SUPT4H1: variants seen among roughly 807,000 people sequenced by gnomAD.
SUPT4H1 encodes the protein transcription elongation factor SPT4.
In SUPT4H1, 12 loss-of-function variants were observed where a neutral mutation model predicts 19.4. That is an observed-to-expected ratio of 0.62 (90% confidence interval 0.40 to 1.00). The LOEUF is 1.00. Among genes scored for constraint, SUPT4H1 ranks in the 50% least tolerant of loss-of-function variants. The pLI, the probability that SUPT4H1 is intolerant of heterozygous loss-of-function variation, is 0.00. For synonymous variants in SUPT4H1, 58 were observed against 56.3 expected, an observed-to-expected ratio of 1.03 and a Z score of -0.14; for missense variants, 115 against 149.2, an observed-to-expected ratio of 0.77 and a Z score of 1.19.
At chr17:58,349,259 T>C (rs535193261) in intron 2 of SUPT4H1, among the ~76,000 whole-genome samples, 1 of 152,390 alleles carries the variant, frequency 6.6e-6, no homozygotes, top group African/African-American at 2.4e-5. Context: ...ATTTATGATT[T>C]TGCAAAAGTG....
intron 3 of SUPT4H1, 120 bp from the exon 4 acceptor site, chr17:58,347,361 C>G (rs1471813403): frequency 2.9e-6 from 4 of 1,361,978 alleles, no homozygotes; most frequent in Non-Finnish European, 3.1e-6. Flanking sequence ...CCTCTTTTGG[C>G]TACAAGTGTT....
At position 58,345,387 on chromosome 17, in the gene SUPT4H1, AAAC is replaced by A. The variant is rs1160376514; in HGVS notation, c.*856_*858del. ...ATTTGTGGTAAATTTTTTTATCCTA[AAAC>A]AACTCACCTTGGCCGAAAAATGGGA... On this transcript the variant is annotated 3_prime_UTR_variant, in exon 5 of 5. Coordinates refer to ENST00000225504, the MANE Select transcript of SUPT4H1 (RefSeq NM_003168.3). The A allele has an allele frequency of 3.3e-5, 5 of 152,168 alleles. No homozygotes were observed. In the East Asian group the frequency reaches 9.7e-4, roughly 29 times the overall value. The allele number at this position is 152,168 out of a possible 1,614,324, so 9.4% of individuals were successfully genotyped here. A position where few individuals can be genotyped will look rare whatever the true frequency, so the allele number is the denominator to read the frequency against.
At chr17:58,351,280 A>T (rs1972507841) in intron 2 of SUPT4H1, 122 bp downstream of exon 2, 1 of 603,506 alleles carries the variant, frequency 1.7e-6, no homozygotes, top group South Asian at 2.3e-5. Context: ...AAAAACCCAC[A>T]CAAAATAACC....
At position 58,347,261 on chromosome 17, in the gene SUPT4H1, A is replaced by C; in HGVS notation, c.233-20T>G. The C allele has an allele frequency of 6.2e-7, 1 of 1,613,970 alleles. No individual in the cohort carries two copies. Among genetic ancestry groups the C allele is most frequent in the Non-Finnish European group, 8.5e-7 (1 of 1,179,846 alleles). On this transcript the variant is annotated intron_variant, in intron 3 of 4. Transcript: ENST00000225504. ...AGTTACCTGAGAGAGAAGAAAAAAG[A>C]TACAAGATTACAGTGAAGTTAGTTA...
chr17:58,347,777 G>A (rs931728331), intron 2 of SUPT4H1, among the ~76,000 whole-genome samples, 193 bp from the exon 3 acceptor site: 1 of 152,144 alleles, frequency 6.6e-6, no homozygotes, highest in Non-Finnish European at 1.5e-5. Context: ...GTCCTTGGCC[G>A]GCCAGCCACA....
chr17:58,351,304 G>A, intron 2 of SUPT4H1, 98 bp downstream of exon 2: 2 of 705,810 alleles, frequency 2.8e-6, no homozygotes, highest in South Asian at 2.2e-5. Context: ...AAAAACGAAT[G>A]GCTGGGCCCA....
At chr17:58,350,008 C>A (rs1416871005) in intron 2 of SUPT4H1, among the ~76,000 whole-genome samples, 1 of 152,240 alleles carries the variant, frequency 6.6e-6, no homozygotes, top group African/African-American at 2.4e-5. Context: ...GGCGACCGGG[C>A]ACAGTGGCTC....
rs1181170758 is a variant in SUPT4H1, at chr17:58,348,659, T to C, written c.177-1075A>G. 2.0e-5 allele frequency among the ~76,000 whole-genome samples: 3 copies of C among 152,322 alleles called. No homozygotes were observed. The East Asian group carries it at 5.8e-4, about 29-fold the overall frequency. The stretch of plus-strand genomic sequence containing the variant: ...TTCCCACTGTTCTCCAAAAACATCC[T>C]GGTTTTTCCCATCCTAAGCCTTTGC... On this transcript the variant is annotated intron_variant, in intron 2 of 4. Coordinates refer to ENST00000225504, the MANE Select transcript of SUPT4H1 (RefSeq NM_003168.3).
chr17:58,351,328 C>T, intron 2 of SUPT4H1, 74 bp downstream of exon 2: 1 of 978,730 alleles, frequency 1.0e-6, no homozygotes. Flanking sequence ...AGGATTAACA[C>T]TTGCCCTGCA....
At chr17:58,349,493 T>C (rs557071751) in intron 2 of SUPT4H1, among the ~76,000 whole-genome samples, 3 of 152,366 alleles carry the variant, frequency 2.0e-5, no homozygotes, top group Admixed American at 6.5e-5. Context: ...TTTCAACTTA[T>C]GATGGGCTTA....
rs773813739 is a variant in SUPT4H1 at position 58,352,169 on chromosome 17, C to T, written c.-34G>A. 3 of 1,606,792 alleles carry T rather than the reference C, an allele frequency of 1.9e-6. No individual in the cohort carries two copies. Among genetic ancestry groups the T allele is most frequent in the Non-Finnish European group, 2.6e-6 (3 of 1,173,568 alleles). Reference sequence around the variant, plus strand: ...ATGGGAAGAACAACAGGGAGATAGACGACCACAGCCTGTGCACCCGCAGGA... The same window carrying T: ...ATGGGAAGAACAACAGGGAGATAGATGACCACAGCCTGTGCACCCGCAGGA... On this transcript the variant is annotated 5_prime_UTR_variant, in exon 1 of 5. Transcript: ENST00000225504.
Position 58,352,145 on chromosome 17 carries a change from T to G in SUPT4H1, c.-10A>C, listed in dbSNP as rs1351531496. 1 of 1,613,916 alleles carries G rather than the reference T, an allele frequency of 6.2e-7. No homozygotes were observed. Among genetic ancestry groups the G allele is most frequent in the African/African-American group, 1.3e-5 (1 of 74,902 alleles). On this transcript the variant is annotated 5_prime_UTR_variant, in exon 1 of 5. Transcript: ENST00000225504. ...CCGTCTCCAGGGCCATCTTCGCCGA[T>G]GGGAAGAACAACAGGGAGATAGACG... is the stretch of plus-strand genomic sequence containing the variant.
chr17:58,350,120 T>TA (rs1468663681), intron 2 of SUPT4H1, among the ~76,000 whole-genome samples: 3 of 151,910 alleles, frequency 2.0e-5, no homozygotes, highest in African/African-American at 4.8e-5. Flanking sequence ...CTGTCTCTAC[T>TA]AAAAAAAGTA....
chr17:58,352,060 C>A lies in SUPT4H1; in HGVS notation c.69+7G>T. 3 of 1,614,194 alleles carry A rather than the reference C, an allele frequency of 1.9e-6. No individual in the cohort carries two copies. Among genetic ancestry groups the A allele is most frequent in the East Asian group, 2.2e-5 (1 of 44,882 alleles). On this transcript the variant is annotated splice_region_variant and intron_variant, in intron 1 of 4. Coordinates refer to ENST00000225504, the MANE Select transcript of SUPT4H1 (RefSeq NM_003168.3). ...ATGGGCCCTACAACCAGGTCCCCGA[C>A]TGACACCTTGACCAGCGAACACAGC...
intron 1 of SUPT4H1, chr17:58,351,864 T>C: frequency 3.3e-6 from 2 of 608,052 alleles, no homozygotes; most frequent in South Asian, 4.0e-5. Context: ...TTCAAAGGCA[T>C]GTAAGACCGC....
At chr17:58,346,547 C>G (rs1972294175) in intron 4 of SUPT4H1, among the ~76,000 whole-genome samples, 1 of 151,730 alleles carries the variant, frequency 6.6e-6, no homozygotes, top group Admixed American at 6.6e-5. Context: ...AGAGCAAGGC[C>G]CCATCTCTAC....
chr17:58,348,320 G>T (rs1425664436), intron 2 of SUPT4H1, among the ~76,000 whole-genome samples: 1 of 152,220 alleles, frequency 6.6e-6, no homozygotes, highest in South Asian at 2.1e-4. Flanking sequence ...TTGTGTGGGT[G>T]TAAGCACTGA....
At chr17:58,348,268 T>C (rs1230601390) in intron 2 of SUPT4H1, among the ~76,000 whole-genome samples, 2 of 152,216 alleles carry the variant, frequency 1.3e-5, no homozygotes, top group Non-Finnish European at 2.9e-5. Context: ...GTAAGCATTT[T>C]TGTCATTCAA....
At position 58,352,146 on chromosome 17, in the gene SUPT4H1, G is replaced by A. The variant is rs368963750; in HGVS notation, c.-11C>T. On this transcript the variant is annotated 5_prime_UTR_variant, in exon 1 of 5. Transcript: ENST00000225504. Reference sequence around the variant, plus strand: ...CGTCTCCAGGGCCATCTTCGCCGATGGGAAGAACAACAGGGAGATAGACGA... The same window carrying A: ...CGTCTCCAGGGCCATCTTCGCCGATAGGAAGAACAACAGGGAGATAGACGA... The A allele has an allele frequency of 3.1e-6, 5 of 1,614,050 alleles. No individual in the cohort carries two copies. The highest frequency in any genetic ancestry group is 1.1e-5 in the South Asian group (1 of 91,076).
Sources: gnomAD v4.1 joint callset for allele counts (sites outside exome capture counted in the v4.1 genomes callset) on GRCh38, gnomAD v4.1.1 for gene constraint, MANE v1.5 for transcripts, NCBI Gene and HGNC (gene_info 2026-07-23, HGNC 2026-07-21) for gene names.